The following ZDHHC11B variants were observed in gnomAD, a reference collection of about 807,000 sequenced individuals.
ZDHHC11B encodes the protein zDHHC palmitoyltransferase 11B (putative), also known as probable palmitoyltransferase ZDHHC11B.
In ZDHHC11B, 17 loss-of-function variants were observed where a neutral mutation model predicts 42.3. That is an observed-to-expected ratio of 0.40 (90% CI 0.27 to 0.60). ZDHHC11B has a LOEUF of 0.60. Among genes scored for constraint, ZDHHC11B ranks in the 20% least tolerant of loss-of-function variants. The pLI, the probability that ZDHHC11B is intolerant of heterozygous loss-of-function variation, is 0.41. For synonymous variants in ZDHHC11B, 123 were observed against 193.5 expected (o/e 0.64, Z 3.02); for missense variants, 262 against 463.2 (o/e 0.57, Z 3.99).
At chr5:733,313 A>G (rs1358216465) in intron 11 of ZDHHC11B, among the ~76,000 whole-genome samples, 1 of 151,778 alleles carries the variant, frequency 6.6e-6, no homozygotes, top group Non-Finnish European at 1.5e-5. Flanking sequence ...CCACACACAC[A>G]TCGTCTATTC....
Position 732,662 on chromosome 5 carries a change from G to T in ZDHHC11B, c.1023+1090C>A, listed in dbSNP as rs559548579. The T allele has an allele frequency of 3.1e-5, 14 of 450,664 alleles. 1 individual carries two copies. The highest frequency in any genetic ancestry group is 5.3e-5 in the Non-Finnish European group (12 of 224,934). The allele number at this position is 450,664 out of a possible 1,614,324, so 27.9% of individuals were successfully genotyped here. ...AATCCTGGGGAAGTGCGGTGAGGCG[G>T]CCCTGCCCCCACAGGGAAGGACAAG... On this transcript the variant is annotated intron_variant, in intron 11 of 13. Coordinates refer to ENST00000508859, the MANE Select transcript of ZDHHC11B (RefSeq NM_001351303.2).
In ZDHHC11B at chr5:733,917, C is replaced by T. The variant is rs146469727; in HGVS notation, c.936-78G>A. On this transcript the variant is annotated intron_variant, in intron 10 of 13. Coordinates refer to ENST00000508859, the MANE Select transcript of ZDHHC11B (RefSeq NM_001351303.2). ...CAGGGTGGCACTGGAGGCTGCACCG[C>T]GTCGTGTCAGCACCACTGCTGTGGG... The T allele has an allele frequency of 5.9e-3, 7,690 of 1,294,290 alleles. 335 individuals are homozygous for T. In the African/African-American group the frequency reaches 0.1, roughly 17 times the overall value. 80.2% of individuals were successfully genotyped at this position (1,294,290 alleles called of 1,614,324 possible).
Position 759,637 on chromosome 5 carries a change from G to A in ZDHHC11B, c.223-3493C>T, listed in dbSNP as rs540309249. 1.1e-4 allele frequency among the ~76,000 whole-genome samples: 16 copies of A among 152,098 alleles called. No individual in the cohort carries two copies. The South Asian group carries it at 2.9e-3, about 28-fold the overall frequency. Reference sequence around the variant, plus strand: ...GCAGAAGAACAGACGCGGGCACGCGGGCACTGAGGCATGCTCTGGAAGGGC... The same window carrying A: ...GCAGAAGAACAGACGCGGGCACGCGAGCACTGAGGCATGCTCTGGAAGGGC... On this transcript the variant is annotated intron_variant, in intron 4 of 13. Coordinates refer to ENST00000508859, the MANE Select transcript of ZDHHC11B (RefSeq NM_001351303.2).
rs559191365 is a variant in ZDHHC11B at position 758,995 on chromosome 5, G to A, written c.223-2851C>T. 1.3e-5 allele frequency among the ~76,000 whole-genome samples: 2 copies of A among 152,010 alleles called. 1 individual carries two copies. Among genetic ancestry groups the A allele is most frequent in the East Asian group, 3.9e-4 (2 of 5,188 alleles). On this transcript the variant is annotated intron_variant, in intron 4 of 13. Coordinates refer to ENST00000508859, the MANE Select transcript of ZDHHC11B (RefSeq NM_001351303.2). ...AGCTGGCGGGGAGCCCCGGGATAGA[G>A]ATGACACGGAGCACCGTGTTCTCAA...
At chr5:773,503 C>T (rs1161678250) in intron 1 of ZDHHC11B, among the ~76,000 whole-genome samples, 1 of 151,880 alleles carries the variant, frequency 6.6e-6, no homozygotes, top group African/African-American at 2.4e-5. Context: ...ACTCCCAGAC[C>T]TGTGCCCACC....
intron 10 of ZDHHC11B, among the ~76,000 whole-genome samples, chr5:737,434 G>A (rs1180568228): frequency 7.4e-5 from 11 of 149,074 alleles, no homozygotes; most frequent in African/African-American, 2.5e-4. Flanking sequence ...AGAGGGAATC[G>A]TCCATAAATC....
intron 4 of ZDHHC11B, among the ~76,000 whole-genome samples, chr5:760,880 A>G (rs1734518821): frequency 6.9e-6 from 1 of 144,228 alleles, no homozygotes; most frequent in African/African-American, 2.5e-5. Context: ...GTGCAGCGGG[A>G]CAGGCCACCA....
At chr5:767,325 C>T (rs1360108628) in intron 3 of ZDHHC11B, 67 bp downstream of exon 3, 21 of 1,523,872 alleles carry the variant, frequency 1.4e-5, no homozygotes, top group Middle Eastern at 1.7e-4. Context: ...TGTGGGGCTC[C>T]GGGTCCCACA....
chr5:766,810 G>T lies in ZDHHC11B; in HGVS notation c.110C>A (p.Pro37His). The T allele has an allele frequency of 6.2e-7, 1 of 1,612,714 alleles. No individual in the cohort carries two copies. Among genetic ancestry groups the T allele is most frequent in the Non-Finnish European group, 8.5e-7 (1 of 1,179,234 alleles). The change falls in exon 4 of 14, where the codon CCC (proline) becomes CAC (histidine). Residue 37 changes from proline (P) to histidine (H), a missense_variant. Pro to His is a moderately conservative substitution (Grantham distance 77). Transcript: ENST00000508859. The part of the protein sequence containing the change: ...RISRVNGWSL[P>H]LHYFRVVTWA... ...AGTCACCACCCGGAAGTAGTGCAGGGGTAACGACCAGCCGTTCACTCTGGA... is the reference window on the plus strand; with the variant it reads ...AGTCACCACCCGGAAGTAGTGCAGGTGTAACGACCAGCCGTTCACTCTGGA...
chr5:763,385 A>G (rs201514231), intron 4 of ZDHHC11B, among the ~76,000 whole-genome samples: 70 of 149,926 alleles, frequency 4.7e-4, no homozygotes, highest in African/African-American at 1.4e-3. Context: ...AAAAAAAAAA[A>G]AAGAAGAAGA....
At chr5:775,628 G>A (rs1736410259) in intron 1 of ZDHHC11B, among the ~76,000 whole-genome samples, 1 of 151,418 alleles carries the variant, frequency 6.6e-6, no homozygotes, top group Non-Finnish European at 1.5e-5. Flanking sequence ...TCCCTGTTCA[G>A]GGATGACAAT....
rs1211374480 is a variant in ZDHHC11B at position 726,232 on chromosome 5, A to G, written c.1058+4202T>C. 7.2e-4 allele frequency among the ~76,000 whole-genome samples: 110 copies of G among 151,732 alleles called. 5 individuals are homozygous for G. Among genetic ancestry groups the G allele is most frequent in the African/African-American group, 2.5e-3 (101 of 41,178 alleles). On this transcript the variant is annotated intron_variant, in intron 12 of 13. Transcript: ENST00000508859. ...TGAATGGACTTTCCCCGTGTGGCAA[A>G]GCGTGACATGATTTAAACAAAGTCC...
intron 1 of ZDHHC11B, among the ~76,000 whole-genome samples, chr5:771,581 C>G (rs879871753): frequency 5.3e-5 from 8 of 151,602 alleles, no homozygotes; most frequent in Non-Finnish European, 1.0e-4. Flanking sequence ...GAGCCAGGAA[C>G]CGTTTCCAGT....
chr5:722,514 T>C (rs1291021701), intron 12 of ZDHHC11B, among the ~76,000 whole-genome samples: 1 of 151,568 alleles, frequency 6.6e-6, no homozygotes, highest in East Asian at 1.9e-4. Context: ...ACTACTCGAC[T>C]GTCAATTCCA....
chr5:716,269 A>G (rs1193644859), intron 13 of ZDHHC11B, among the ~76,000 whole-genome samples: 8 of 151,228 alleles, frequency 5.3e-5, no homozygotes, highest in Non-Finnish European at 1.2e-4. Flanking sequence ...TTGCCAACTC[A>G]TGTGTGTGCC....
At chr5:730,314 T>C (rs1332330799) in intron 12 of ZDHHC11B, 120 bp downstream of exon 12, 21 of 1,257,638 alleles carry the variant, frequency 1.7e-5, no homozygotes, top group Non-Finnish European at 1.9e-5. Context: ...GCATTTCTAC[T>C]TTCCCTTATG....
chr5:777,808 G>A (rs1239879821), intron 1 of ZDHHC11B, among the ~76,000 whole-genome samples: 1 of 152,014 alleles, frequency 6.6e-6, no homozygotes, highest in Non-Finnish European at 1.5e-5. Context: ...CTGCCCGCCA[G>A]TACTGCGCCA....
At chr5:732,623 A>G (rs1743100610) in intron 11 of ZDHHC11B, 1 of 450,158 alleles carries the variant, frequency 2.2e-6, no homozygotes, top group African/African-American at 2.0e-5. Context: ...AAGTCACAGG[A>G]GCCTGTTCCC....
At chr5:746,666 A>G (rs1354844475) in intron 8 of ZDHHC11B, among the ~76,000 whole-genome samples, 2 of 150,164 alleles carry the variant, frequency 1.3e-5, no homozygotes, top group African/African-American at 4.9e-5. Flanking sequence ...TCTGCAGCAC[A>G]AGGGCCAGCC....
Sources: gnomAD v4.1 joint callset for allele counts (sites outside exome capture counted in the v4.1 genomes callset) on GRCh38, gnomAD v4.1.1 for gene constraint, MANE v1.5 for transcripts, NCBI Gene and HGNC (gene_info 2026-07-23, HGNC 2026-07-21) for gene names.